SLC25A21: variants seen among roughly 807,000 people sequenced by gnomAD.
SLC25A21 encodes mitochondrial 2-oxodicarboxylate carrier.
In SLC25A21, 47 loss-of-function variants were observed where a neutral mutation model predicts 43.8. The ratio of observed to expected loss-of-function variants is 1.07; its 90% CI spans 0.85 to 1.37. The LOEUF is 1.37. SLC25A21 is among the 40% of genes most tolerant of loss of function. The pLI, the probability that SLC25A21 is intolerant of heterozygous loss-of-function variation, is 0.00. For missense variants in SLC25A21, 352 were observed against 350.2 expected (o/e 1.00, Z -0.04); for synonymous variants, 131 against 121.3 (o/e 1.08, Z -0.52).
At chr14:37,106,396 C>T (rs1307874952) in intron 1 of SLC25A21, among the ~76,000 whole-genome samples, 3 of 152,020 alleles carry the variant, frequency 2.0e-5, no homozygotes, top group Non-Finnish European at 4.4e-5. Context: ...AACGGCTGCT[C>T]TGGGAGTGTC....
intron 1 of SLC25A21, among the ~76,000 whole-genome samples, chr14:36,935,659 C>G (rs8015869): frequency 2.6e-5 from 4 of 151,636 alleles, no homozygotes; most frequent in African/African-American, 9.7e-5. Context: ...CTACAGCGTA[C>G]TGAAGCAGAA....
chr14:36,746,586 C>T (rs1189935650), intron 3 of SLC25A21, among the ~76,000 whole-genome samples: 2 of 152,000 alleles, frequency 1.3e-5, no homozygotes, highest in African/African-American at 2.4e-5. Flanking sequence ...TGCTAGTATC[C>T]CTAAATCTAT....
chr14:36,770,615 G>A (rs1368275475), intron 3 of SLC25A21, among the ~76,000 whole-genome samples: 2 of 152,070 alleles, frequency 1.3e-5, no homozygotes. Context: ...AGCATTTGTT[G>A]TTGATTACTT....
In SLC25A21 at chr14:36,683,947, T is replaced by C. The variant is rs367802398; in HGVS notation, c.786-67A>G. 49 of 1,201,804 alleles carry C rather than the reference T, an allele frequency of 4.1e-5. No individual in the cohort carries two copies. In the African/African-American group the frequency reaches 5.8e-4, roughly 14 times the overall value. 74.4% of individuals were successfully genotyped at this position (1,201,804 alleles called of 1,614,324 possible). A position where few individuals can be genotyped will look rare whatever the true frequency, so the allele number is the denominator to read the frequency against. On this transcript the variant is annotated intron_variant, in intron 8 of 9. Coordinates refer to ENST00000331299, the MANE Select transcript of SLC25A21 (RefSeq NM_030631.4). Reference sequence around the variant, plus strand: ...TAAATGGAGTTGTACCTTAGCTTTATTGAGATAGGGACCCAGCATTTAAAA... The same window carrying C: ...TAAATGGAGTTGTACCTTAGCTTTACTGAGATAGGGACCCAGCATTTAAAA...
intron 1 of SLC25A21, among the ~76,000 whole-genome samples, chr14:37,070,710 CAAGGTAAAAAGA>C (rs771975991): frequency 7.2e-5 from 11 of 152,062 alleles, no homozygotes; most frequent in Admixed American, 2.0e-4. Context: ...CAGGGCATTA[CAAGGTAAAAAGA>C]GAGATTGTTT....
intron 3 of SLC25A21, among the ~76,000 whole-genome samples, chr14:36,793,562 A>G (rs1270085198): frequency 6.6e-6 from 1 of 151,076 alleles, no homozygotes; most frequent in Non-Finnish European, 1.5e-5. Flanking sequence ...CAGCATGAAT[A>G]TCATGATGGT....
intron 1 of SLC25A21, among the ~76,000 whole-genome samples, chr14:36,986,368 G>T (rs1223185932): frequency 6.6e-6 from 1 of 151,966 alleles, no homozygotes; most frequent in Non-Finnish European, 1.5e-5. Flanking sequence ...TCACTTATTT[G>T]CTCAATTCCC....
rs200836075 is a variant in SLC25A21 at position 36,926,461 on chromosome 14, G to GGAA, written c.71-51460_71-51458dup. On this transcript the variant is annotated intron_variant, in intron 1 of 9. Coordinates refer to ENST00000331299, the MANE Select transcript of SLC25A21 (RefSeq NM_030631.4). The stretch of plus-strand genomic sequence containing the variant: ...GAGACAACAGAGGAAAAAGACCTTA[G>GGAA]GAAGAAGAAGAAGAAAGATAAATCA... Among the ~76,000 whole-genome samples the GGAA allele has an allele frequency of 7.9e-4, 120 of 152,150 alleles. 2 individuals are homozygous for GGAA. The East Asian group carries it at 0.016, about 21-fold the overall frequency.
chr14:37,168,756 A>T (rs1964072901), intron 1 of SLC25A21, among the ~76,000 whole-genome samples: 1 of 152,184 alleles, frequency 6.6e-6, no homozygotes, highest in Admixed American at 6.5e-5. Context: ...CCAGCAGTCA[A>T]CTGTGAGAAA....
intron 1 of SLC25A21, among the ~76,000 whole-genome samples, chr14:36,950,931 T>G (rs968283340): frequency 2.0e-5 from 3 of 152,178 alleles, no homozygotes; most frequent in African/African-American, 7.2e-5. Context: ...CAGCAAGGAA[T>G]GCATATTCTA....
At chr14:37,092,303 C>T (rs141673500) in intron 1 of SLC25A21, among the ~76,000 whole-genome samples, 6 of 152,266 alleles carry the variant, frequency 3.9e-5, no homozygotes, top group African/African-American at 1.2e-4. Context: ...GCACCTATAG[C>T]TACTGCAGTA....
chr14:36,788,889 T>A (rs1261632797), intron 3 of SLC25A21: 2 of 152,156 alleles, frequency 1.3e-5, no homozygotes, highest in Admixed American at 6.5e-5. Flanking sequence ...GTTTTCCAAC[T>A]GTCAGGGTTT....
chr14:36,726,406 C>T (rs1449181588), intron 5 of SLC25A21, among the ~76,000 whole-genome samples: 4 of 149,726 alleles, frequency 2.7e-5, no homozygotes, highest in Admixed American at 2.7e-4. Context: ...GTACTGCAGC[C>T]TGAGCAACAG....
intron 2 of SLC25A21, among the ~76,000 whole-genome samples, chr14:36,859,440 C>T (rs1388008473): frequency 6.6e-6 from 1 of 152,198 alleles, no homozygotes; most frequent in Non-Finnish European, 1.5e-5. Context: ...CCACTTGTCA[C>T]CAGCATCAAG....
At chr14:37,105,752 T>C (rs2138870060) in intron 1 of SLC25A21, among the ~76,000 whole-genome samples, 1 of 152,174 alleles carries the variant, frequency 6.6e-6, no homozygotes, top group African/African-American at 2.4e-5. Flanking sequence ...AGAATAGAAT[T>C]AGTAGAATTC....
At chr14:36,875,438 A>G (rs1890492728) in intron 1 of SLC25A21, among the ~76,000 whole-genome samples, 1 of 152,160 alleles carries the variant, frequency 6.6e-6, no homozygotes, top group African/African-American at 2.4e-5. Context: ...CAGAAACCTC[A>G]GTTTCAGTAT....
rs147979078 is a variant in SLC25A21 at position 37,072,312 on chromosome 14, A to G, written c.70+99969T>C. Among the ~76,000 whole-genome samples, 378 of 152,130 alleles carry G rather than the reference A, an allele frequency of 2.5e-3. 1 individual carries two copies. Among genetic ancestry groups the G allele is most frequent in the African/African-American group, 8.9e-3 (371 of 41,492 alleles). On this transcript the variant is annotated intron_variant, in intron 1 of 9. Transcript: ENST00000331299. ...CTCTGCATCCAGGGGCCATACTCTG[A>G]TTTCCACAGAGCCTCAGGCTGTGCC... is the stretch of plus-strand genomic sequence containing the variant.
intron 7 of SLC25A21, among the ~76,000 whole-genome samples, chr14:36,710,442 A>G (rs67422623): frequency 0.44 from 66,558 of 151,766 alleles, 15,037 homozygotes; most frequent in Admixed American, 0.53. Context: ...GAAAGAAAGA[A>G]AAAGAAAGAA....
At chr14:36,825,324 TGAAC>T (rs1314483753) in intron 2 of SLC25A21, among the ~76,000 whole-genome samples, 1 of 152,222 alleles carries the variant, frequency 6.6e-6, no homozygotes, top group Non-Finnish European at 1.5e-5. Context: ...CATTATGTCA[TGAAC>T]GCATACTCAA....
Sources: allele counts gnomAD v4.1 joint callset (sites outside exome capture counted in the v4.1 genomes callset), GRCh38; gene constraint gnomAD v4.1.1; transcripts MANE v1.5; gene names NCBI Gene and HGNC (gene_info 2026-07-23, HGNC 2026-07-21).